SLC17A2: variants seen among roughly 807,000 people sequenced by gnomAD.
SLC17A2 encodes the protein sodium-dependent phosphate transport protein 3.
Under a neutral mutation model 52.1 loss-of-function variants are expected in SLC17A2, and 38 were observed. The observed-to-expected ratio is 0.73, with a 90% CI of 0.56 to 0.96. SLC17A2 has a LOEUF of 0.96. Among genes scored for constraint, SLC17A2 ranks in the 40% least tolerant of loss-of-function variants. The pLI, the probability that SLC17A2 is intolerant of heterozygous loss-of-function variation, is 0.00. For synonymous variants in SLC17A2, 226 were observed against 211.9 expected (o/e 1.07, Z -0.58); for missense variants, 508 against 583.9 (o/e 0.87, Z 1.34).
rs1236002970 is a variant in SLC17A2, at chr6:25,924,935, C to T, written c.28+834G>A. On this transcript the variant is annotated intron_variant, in intron 2 of 11. Transcript: ENST00000377850. ...TTAAAAGCATCCCCATAAAATGGAACAACCACAGACCAATATTGAAAGGGT... is the reference window on the plus strand; with the variant it reads ...TTAAAAGCATCCCCATAAAATGGAATAACCACAGACCAATATTGAAAGGGT... Among the ~76,000 whole-genome samples the T allele has an allele frequency of 2.6e-5, 4 of 152,084 alleles. No individual in the cohort carries two copies. In the East Asian group the frequency reaches 7.7e-4, roughly 29 times the overall value.
rs757750768 is a variant in SLC17A2, at chr6:25,915,752, C to T, written c.1047G>A (p.Lys349=). 6.2e-7 allele frequency: 1 copy of T among 1,614,096 alleles called. No homozygotes were observed. Among genetic ancestry groups the T allele is most frequent in the Admixed American group, 1.7e-5 (1 of 60,004 alleles). ...TATCCTTACCAAGAGATGAAAAGAGCTTTCGCACAGTGATCAATCTGAGAA... is the reference window on the plus strand; with the variant it reads ...TATCCTTACCAAGAGATGAAAAGAGTTTTCGCACAGTGATCAATCTGAGAA... The part of the protein sequence containing the change: ...RNLLRLITVR[K]LFSSLGLLLP... Residue 349 remains lysine, a synonymous_variant, in exon 9 of 12, where the codon AAG becomes AAA. Coordinates refer to ENST00000377850, the MANE Select transcript of SLC17A2 (RefSeq NM_001286123.3).
intron 8 of SLC17A2, 48 bp from the exon 9 acceptor site, chr6:25,915,916 C>T (rs1766294641): frequency 6.3e-7 from 1 of 1,582,736 alleles, no homozygotes; most frequent in Non-Finnish European, 8.6e-7. Flanking sequence ...TACGTTAGCA[C>T]CAAAATTTGT....
Position 25,916,718 on chromosome 6 carries a change from A to G in SLC17A2, c.897T>C (p.Tyr299=), listed in dbSNP as rs139793254. Residue 299 remains tyrosine (Y), a synonymous_variant, in exon 8 of 12, where the codon TAT becomes TAC. Transcript: ENST00000377850. The part of the protein sequence containing the change: ...CTIILTYLPT[Y]ISTLLHVNIR... ...TGTTAACATGGAGCAGAGTACTGATATACGTTGGTAGGTATGTTAGGATGA... is the reference window on the plus strand; with the variant it reads ...TGTTAACATGGAGCAGAGTACTGATGTACGTTGGTAGGTATGTTAGGATGA... 3 of 1,613,736 alleles carry G rather than the reference A, an allele frequency of 1.9e-6. No homozygotes were observed. Among genetic ancestry groups the G allele is most frequent in the Non-Finnish European group, 2.5e-6 (3 of 1,179,724 alleles).
chr6:25,920,045 T>C (rs932693780), intron 5 of SLC17A2, among the ~76,000 whole-genome samples: 1 of 152,210 alleles, frequency 6.6e-6, no homozygotes, highest in African/African-American at 2.4e-5. Context: ...TGTGCCATCT[T>C]TATTTTAGCA....
chr6:25,916,604 G>A lies in SLC17A2; in HGVS notation c.930+81C>T, dbSNP rs529142394. The A allele has an allele frequency of 9.2e-5, 108 of 1,178,304 alleles. No homozygotes were observed. The African/African-American group carries it at 1.3e-3, about 14-fold the overall frequency. 73.0% of individuals were successfully genotyped at this position (1,178,304 alleles called of 1,614,324 possible). On this transcript the variant is annotated intron_variant, in intron 8 of 11. Coordinates refer to ENST00000377850, the MANE Select transcript of SLC17A2 (RefSeq NM_001286123.3). ...GGTTAAATTAATGGTTATATGTAAA[G>A]CCAGAATGTAATAGGTAACACAGAA...
chr6:25,921,561 A>G (rs1766561143), intron 3 of SLC17A2, 149 bp from the exon 4 acceptor site: 12 of 601,800 alleles, frequency 2.0e-5, no homozygotes, highest in African/African-American at 7.4e-5. Flanking sequence ...CAAATAACCA[A>G]TTATACCCCT....
chr6:25,921,156 A>AGAATGAGAAAGTATCT, intron 4 of SLC17A2, 23 bp downstream of exon 4: 1 of 1,613,806 alleles, frequency 6.2e-7, no homozygotes, highest in South Asian at 1.1e-5. Context: ...GATCCCACCA[A>AGAATGAGAAAGTATCT]GAATGAGAAA....
In SLC17A2 at chr6:25,915,730, C is replaced by T. The variant is rs755215171; in HGVS notation, c.1063+6G>A. The T allele has an allele frequency of 3.1e-6, 5 of 1,613,818 alleles. No homozygotes were observed. Among genetic ancestry groups the T allele is most frequent in the African/African-American group, 2.7e-5 (2 of 74,896 alleles). The stretch of plus-strand genomic sequence containing the variant: ...TGGTTAAATGGGCCCACACGCTTAT[C>T]CTTACCAAGAGATGAAAAGAGCTTT... On this transcript the variant is annotated splice_donor_region_variant and intron_variant, in intron 9 of 11. Transcript: ENST00000377850.
intron 5 of SLC17A2, among the ~76,000 whole-genome samples, chr6:25,920,595 C>A (rs1766515218): frequency 6.6e-6 from 1 of 152,192 alleles, no homozygotes; most frequent in African/African-American, 2.4e-5. Flanking sequence ...AAACTTCAAA[C>A]TCTTCCAGCC....
chr6:25,927,801 G>T (rs1766818317), intron 1 of SLC17A2, among the ~76,000 whole-genome samples: 2 of 152,156 alleles, frequency 1.3e-5, no homozygotes, highest in African/African-American at 4.8e-5. Flanking sequence ...CACCAGGACA[G>T]ATACTGGTTG....
chr6:25,924,786 G>A (rs1004990551), intron 2 of SLC17A2, among the ~76,000 whole-genome samples: 1 of 149,388 alleles, frequency 6.7e-6, no homozygotes, highest in Non-Finnish European at 1.5e-5. Flanking sequence ...TCCAGCCTGG[G>A]TGACAGAATG....
At chr6:25,923,927 A>T in intron 2 of SLC17A2, 21 bp from the exon 3 acceptor site, 1 of 1,596,158 alleles carries the variant, frequency 6.3e-7, no homozygotes, top group Middle Eastern at 1.7e-4. Context: ...ACACAGATGT[A>T]TGTAGTGAGC....
In SLC17A2 at chr6:25,913,256, A is replaced by G. The variant is rs776736358; in HGVS notation, c.*61T>C. ...GTCTATGGTCAGGAATATGGAGAGAAGTAAAAAATGTTTAAAAAGTTCATG... is the reference window on the plus strand; with the variant it reads ...GTCTATGGTCAGGAATATGGAGAGAGGTAAAAAATGTTTAAAAAGTTCATG... On this transcript the variant is annotated 3_prime_UTR_variant, in exon 12 of 12. Coordinates refer to ENST00000377850, the MANE Select transcript of SLC17A2 (RefSeq NM_001286123.3). 7.6e-6 allele frequency: 12 copies of G among 1,575,534 alleles called. No individual in the cohort carries two copies. Among genetic ancestry groups the G allele is most frequent in the Non-Finnish European group, 1.0e-5 (12 of 1,145,102 alleles).
At chr6:25,927,129 G>GT (rs1234511569) in intron 1 of SLC17A2, among the ~76,000 whole-genome samples, 1 of 152,132 alleles carries the variant, frequency 6.6e-6, no homozygotes, top group Non-Finnish European at 1.5e-5. Flanking sequence ...GCTTTGCACT[G>GT]TTTTTGCACA....
intron 2 of SLC17A2, among the ~76,000 whole-genome samples, chr6:25,924,133 T>C (rs1253961197): frequency 6.6e-6 from 1 of 152,146 alleles, no homozygotes; most frequent in African/African-American, 2.4e-5. Flanking sequence ...ATGGCCATCT[T>C]TCAAGGGGAT....
intron 1 of SLC17A2, among the ~76,000 whole-genome samples, chr6:25,928,845 A>G (rs1766853667): frequency 6.6e-6 from 1 of 152,340 alleles, no homozygotes; most frequent in Non-Finnish European, 1.5e-5. Flanking sequence ...CCTCTAAAAA[A>G]AAATTGTGAA....
chr6:25,915,961 G>C (rs1766297427), intron 8 of SLC17A2, 93 bp from the exon 9 acceptor site: 8 of 1,203,606 alleles, frequency 6.6e-6, no homozygotes, highest in Non-Finnish European at 9.3e-6. Context: ...TTACCCCCAT[G>C]ATACTGTGGG....
intron 11 of SLC17A2, 135 bp downstream of exon 11, chr6:25,914,445 C>T (rs1442820621): frequency 3.2e-6 from 2 of 634,022 alleles, no homozygotes; most frequent in Non-Finnish European, 5.7e-6. Flanking sequence ...GGAAATCTGA[C>T]CTACCAGAGT....
At chr6:25,923,572 G>T in intron 3 of SLC17A2, 123 bp downstream of exon 3, 1 of 736,318 alleles carries the variant, frequency 1.4e-6, no homozygotes, top group Non-Finnish European at 2.3e-6. Flanking sequence ...AAGAAAAATA[G>T]TTCCAGTCAG....
Sources: allele counts gnomAD v4.1 joint callset (sites outside exome capture counted in the v4.1 genomes callset), GRCh38; gene constraint gnomAD v4.1.1; transcripts MANE v1.5; gene names NCBI Gene and HGNC (gene_info 2026-07-23, HGNC 2026-07-21).